Variants in CENPE observed in about 807,000 individuals in gnomAD.
CENPE encodes the protein centromere protein E.
In CENPE, 145 loss-of-function variants were observed where a neutral mutation model predicts 336.1. The observed-to-expected ratio is 0.43, with a 90% CI of 0.38 to 0.50. The LOEUF is 0.50. CENPE is among the 20% of genes least tolerant of loss of function. CENPE has a pLI of 0.00. For missense variants in CENPE, 2,719 were observed against 3,023.3 expected (o/e 0.90, Z 2.36); for synonymous variants, 1,013 against 984.8 (o/e 1.03, Z -0.54).
At chr4:103,170,121 T>C (rs1280293752) in intron 16 of CENPE, among the ~76,000 whole-genome samples, 1 of 151,816 alleles carries the variant, frequency 6.6e-6, no homozygotes, top group Non-Finnish European at 1.5e-5. Context: ...CATCACACAC[T>C]GGGGCCTGTT....
chr4:103,186,777 T>A (rs185695092), intron 8 of CENPE, among the ~76,000 whole-genome samples: 1 of 152,188 alleles, frequency 6.6e-6, no homozygotes, highest in East Asian at 1.9e-4. Context: ...TAGCTTTAGG[T>A]TCATAGGACT....
chr4:103,142,144 G>A (rs1036929107), intron 34 of CENPE, among the ~76,000 whole-genome samples: 8 of 151,990 alleles, frequency 5.3e-5, no homozygotes, highest in Middle Eastern at 6.8e-3. Context: ...ATAGTATTTC[G>A]ATATATTGTT....
chr4:103,191,587 G>C (rs1170816104), intron 8 of CENPE, among the ~76,000 whole-genome samples: 1 of 139,886 alleles, frequency 7.1e-6, no homozygotes, highest in East Asian at 2.4e-4. Flanking sequence ...TCATAGGTTG[G>C]AACTGAACAA....
At chr4:103,160,573 C>A in intron 21 of CENPE, 52 bp downstream of exon 21, 1 of 1,474,984 alleles carries the variant, frequency 6.8e-7, no homozygotes, top group South Asian at 1.3e-5. Context: ...GCACTATTAT[C>A]GCAAAGGTTT....
intron 26 of CENPE, among the ~76,000 whole-genome samples, chr4:103,150,399 C>T (rs1268029236): frequency 1.3e-5 from 2 of 152,034 alleles, no homozygotes; most frequent in Non-Finnish European, 2.9e-5. Flanking sequence ...CTGGGCAACA[C>T]AGTGAGACCT....
In CENPE at chr4:103,159,241, T is replaced by C. The variant is rs1754225557; in HGVS notation, c.2370A>G (p.Arg790=). The C allele has an allele frequency of 5.0e-6, 8 of 1,606,744 alleles. No homozygotes were observed. The highest frequency in any genetic ancestry group is 6.8e-6 in the Non-Finnish European group (8 of 1,174,766). ...LFSEVVHKES[R]VQGLLEEIGK... is the part of the protein sequence containing the mutation. ...CAATTTCTTCAAGTAAACCTTGAAC[T>C]CTACTCTCCTTATGAACTACTTCAG... Residue 790 remains arginine (R), a synonymous_variant, in exon 22 of 49, where the codon AGA becomes AGG. Coordinates refer to ENST00000265148, the MANE Select transcript of CENPE (RefSeq NM_001813.3).
intron 26 of CENPE, 40 bp downstream of exon 26, chr4:103,151,179 G>C: frequency 1.5e-5 from 24 of 1,565,868 alleles, no homozygotes; most frequent in Non-Finnish European, 2.1e-5. Flanking sequence ...AAAAAGTTTA[G>C]TTAGAAAAAA....
intron 16 of CENPE, among the ~76,000 whole-genome samples, chr4:103,165,267 A>G (rs1754805414): frequency 6.6e-6 from 1 of 152,204 alleles, no homozygotes; most frequent in Non-Finnish European, 1.5e-5. Context: ...GAAATATTTA[A>G]CTTACATCTC....
chr4:103,109,113 G>C (rs1228966773), intron 47 of CENPE, 24 bp from the exon 48 acceptor site: 3 of 1,578,022 alleles, frequency 1.9e-6, no homozygotes, highest in Admixed American at 3.7e-5. Context: ...GAAGAAAAGA[G>C]AGACTGTAAG....
chr4:103,138,454 T>C lies in CENPE; in HGVS notation c.6205-5A>G, dbSNP rs1207941287. 1 of 1,608,624 alleles carries C rather than the reference T, an allele frequency of 6.2e-7. No individual in the cohort carries two copies. The highest frequency in any genetic ancestry group is 1.3e-5 in the African/African-American group (1 of 74,808). On this transcript the variant is annotated splice_polypyrimidine_tract_variant and splice_region_variant and intron_variant, in intron 38 of 48. Transcript: ENST00000265148. ...TACTTGGTGGTTCTGTCGGTCCTGC[T>C]TTGGTAAAAAGAAAATAAACAGGGC...
intron 43 of CENPE, among the ~76,000 whole-genome samples, chr4:103,122,419 A>G (rs1161623936): frequency 1.3e-5 from 2 of 152,194 alleles, no homozygotes; most frequent in Non-Finnish European, 2.9e-5. Context: ...CAATCTTGTT[A>G]TATTTTTTAA....
At chr4:103,190,137 A>C (rs1250532050) in intron 8 of CENPE, among the ~76,000 whole-genome samples, 2 of 152,190 alleles carry the variant, frequency 1.3e-5, no homozygotes, top group East Asian at 1.9e-4. Flanking sequence ...TCAAGGAAAT[A>C]AAAGAGGATA....
At chr4:103,174,973 A>C in intron 15 of CENPE, 70 bp from the exon 16 acceptor site, 1 of 936,460 alleles carries the variant, frequency 1.1e-6, no homozygotes, top group South Asian at 1.9e-5. Context: ...ATAAAATTTG[A>C]ATTATTTAAA....
intron 16 of CENPE, among the ~76,000 whole-genome samples, chr4:103,171,406 G>A (rs932503695): frequency 2.0e-5 from 3 of 151,814 alleles, no homozygotes; most frequent in Non-Finnish European, 2.9e-5. Context: ...AATTAAACAC[G>A]CTCCTGAACA....
Position 103,122,931 on chromosome 4 carries a change from A to G in CENPE, c.7083T>C (p.Pro2361=). The G allele has an allele frequency of 6.2e-7, 1 of 1,613,938 alleles. No homozygotes were observed. The change falls in exon 43 of 49, where the codon CCT becomes CCC. Residue 2361 remains proline (P), a synonymous_variant. Transcript: ENST00000265148. ...TSLASGAQVN[P]TTQDNKNPHV... ...GAGGATTCTTATTGTCTTGTGTGGT[A>G]GGATTAACCTGGGCACCAGATGCCA...
intron 42 of CENPE, among the ~76,000 whole-genome samples, chr4:103,132,401 G>GCTCAGTTC (rs1190753113): frequency 6.6e-6 from 1 of 152,146 alleles, no homozygotes; most frequent in Non-Finnish European, 1.5e-5. Flanking sequence ...CGTGGAAAAG[G>GCTCAGTTC]CTCAGTTCTT....
chr4:103,131,127 G>C (rs1751554566), intron 42 of CENPE, among the ~76,000 whole-genome samples: 1 of 152,000 alleles, frequency 6.6e-6, no homozygotes, highest in Non-Finnish European at 1.5e-5. Context: ...TCTGCACTCT[G>C]AAACACAATG....
chr4:103,187,608 T>G (rs1756901092), intron 8 of CENPE, among the ~76,000 whole-genome samples: 1 of 152,138 alleles, frequency 6.6e-6, no homozygotes, highest in South Asian at 2.1e-4. Context: ...TGAGAGATTT[T>G]GTCACCACCA....
intron 21 of CENPE, among the ~76,000 whole-genome samples, chr4:103,159,909 T>C (rs1384417245): frequency 6.6e-6 from 1 of 151,308 alleles, no homozygotes; most frequent in African/African-American, 2.4e-5. Flanking sequence ...CAGAGAGAGA[T>C]GAGAAAAAAA....
Sources: allele counts gnomAD v4.1 joint callset (sites outside exome capture counted in the v4.1 genomes callset), GRCh38; gene constraint gnomAD v4.1.1; transcripts MANE v1.5; gene names NCBI Gene and HGNC (gene_info 2026-07-23, HGNC 2026-07-21).